Variants in MOCS1 observed in about 807,000 individuals in gnomAD.
MOCS1 encodes molybdenum cofactor biosynthesis protein 1.
Under a neutral mutation model 57.6 loss-of-function variants are expected in MOCS1, and 39 were observed. The ratio of observed to expected loss-of-function variants is 0.68; its 90% CI spans 0.52 to 0.88. MOCS1 has a LOEUF of 0.88. MOCS1 is among the 40% of genes least tolerant of loss of function. The probability of loss-of-function intolerance (pLI) is 0.00; values close to 1 mark genes in which losing one functional copy is unlikely to be tolerated. For synonymous variants in MOCS1, 334 were observed against 335.7 expected (o/e 1.00, Z 0.05); for missense variants, 795 against 831.1 (o/e 0.96, Z 0.53).
rs1441299210 is a variant in MOCS1 at position 39,905,393 on chromosome 6, T to G, written c.*964A>C. The G allele has an allele frequency of 2.1e-6, 1 of 467,290 alleles. No homozygotes were observed. The highest frequency in any genetic ancestry group is 4.4e-6 in the Non-Finnish European group (1 of 227,024). The allele number at this position is 467,290 out of a possible 1,614,324, so 28.9% of individuals were successfully genotyped here. The stretch of plus-strand genomic sequence containing the variant: ...GAGTACACCCTTAGGCCTTTCCAGG[T>G]CCCTCCTCTTCTTCCCTCAGGGAAC... On this transcript the variant is annotated 3_prime_UTR_variant, in exon 11 of 11. Coordinates refer to ENST00000340692, the MANE Select transcript of MOCS1 (RefSeq NM_001358530.2).
rs576217032 is a variant in MOCS1, at chr6:39,923,203, C to T, written c.418+2475G>A. 6.6e-5 allele frequency among the ~76,000 whole-genome samples: 10 copies of T among 152,302 alleles called. 1 individual carries two copies. Among genetic ancestry groups the T allele is most frequent in the Middle Eastern group, 3.4e-3 (1 of 294 alleles). The stretch of plus-strand genomic sequence containing the variant: ...CTTGTCCTAACTAGCATCCATGTGG[C>T]GATCACCCCTTGCCCATCCCATTCC... On this transcript the variant is annotated intron_variant, in intron 3 of 10. Transcript: ENST00000340692.
intron 1 of MOCS1, among the ~76,000 whole-genome samples, chr6:39,930,355 T>C (rs1028257792): frequency 4.6e-5 from 7 of 152,124 alleles, no homozygotes; most frequent in African/African-American, 9.7e-5. Context: ...ACTCAACGGA[T>C]CATATTCCCA....
chr6:39,920,849 T>C (rs960225201), intron 3 of MOCS1, among the ~76,000 whole-genome samples: 4 of 151,734 alleles, frequency 2.6e-5, no homozygotes, highest in Non-Finnish European at 5.9e-5. Context: ...TGTGGTGGTG[T>C]GCGCCTGTAG....
chr6:39,913,849 A>G lies in MOCS1; in HGVS notation c.584-14T>C. On this transcript the variant is annotated splice_polypyrimidine_tract_variant and intron_variant, in intron 4 of 10. Transcript: ENST00000340692. Reference sequence around the variant, plus strand: ...CCTTGTGGAAGCCTGGGAGGGAGAAACAAGGATCCAGGAACTTCTGTCCTC... The same window carrying G: ...CCTTGTGGAAGCCTGGGAGGGAGAAGCAAGGATCCAGGAACTTCTGTCCTC... 1 of 1,613,904 alleles carries G rather than the reference A, an allele frequency of 6.2e-7. No individual in the cohort carries two copies. Among genetic ancestry groups the G allele is most frequent in the South Asian group, 1.1e-5 (1 of 91,076 alleles).
intron 6 of MOCS1, 27 bp from the exon 7 acceptor site, chr6:39,913,031 G>C (rs1412010473): frequency 6.3e-7 from 1 of 1,596,120 alleles, no homozygotes; most frequent in Non-Finnish European, 8.6e-7. Context: ...GGAAGGCAAG[G>C]GGAGCTTCTG....
chr6:39,933,622 A>G (rs1221144859), intron 1 of MOCS1, among the ~76,000 whole-genome samples: 2 of 152,122 alleles, frequency 1.3e-5, no homozygotes, highest in Admixed American at 1.3e-4. Flanking sequence ...CAAAACCTAA[A>G]ACTTTTAATG....
At chr6:39,911,574 C>T (rs978463513) in intron 8 of MOCS1, among the ~76,000 whole-genome samples, 1 of 152,218 alleles carries the variant, frequency 6.6e-6, no homozygotes, top group Non-Finnish European at 1.5e-5. Flanking sequence ...AGAACACATT[C>T]TGAACCAAAG....
intron 4 of MOCS1, among the ~76,000 whole-genome samples, chr6:39,914,356 C>A (rs1245100398): frequency 6.6e-6 from 1 of 152,238 alleles, no homozygotes; most frequent in Non-Finnish European, 1.5e-5. Context: ...AGCCCCATGG[C>A]TCCATCTTTC....
Position 39,907,092 on chromosome 6 carries a change from G to A in MOCS1, c.1176C>T (p.Ser392=). ...LIELFLMFPN[S]PPANPSIFSW... ...AGAAAATGCTTGGATTGGCTGGTGG[G>A]GAATTGGGGAACATCAAAAATAACT... Residue 392 remains serine (S), a synonymous_variant, in exon 11 of 11, where the codon TCC becomes TCT. Coordinates refer to ENST00000340692, the MANE Select transcript of MOCS1 (RefSeq NM_001358530.2). The A allele has an allele frequency of 6.2e-7, 1 of 1,612,616 alleles. No individual in the cohort carries two copies. Among genetic ancestry groups the A allele is most frequent in the East Asian group, 2.2e-5 (1 of 44,816 alleles).
At chr6:39,932,139 C>T (rs905223959) in intron 1 of MOCS1, among the ~76,000 whole-genome samples, 2 of 152,212 alleles carry the variant, frequency 1.3e-5, no homozygotes, top group African/African-American at 4.8e-5. Context: ...TGCCCAGTGG[C>T]TTTCCATCCT....
At chr6:39,931,281 A>G (rs1462755202) in intron 1 of MOCS1, among the ~76,000 whole-genome samples, 2 of 152,100 alleles carry the variant, frequency 1.3e-5, no homozygotes, top group African/African-American at 4.8e-5. Flanking sequence ...TCTACTAGTC[A>G]CTCATCTTAG....
chr6:39,921,336 T>C (rs539925242), intron 3 of MOCS1, among the ~76,000 whole-genome samples: 2 of 151,692 alleles, frequency 1.3e-5, no homozygotes, highest in South Asian at 4.2e-4. Context: ...GAGGCAGTGG[T>C]TGCAGTCAGC....
chr6:39,915,456 G>T (rs533900456), intron 4 of MOCS1, among the ~76,000 whole-genome samples: 2 of 152,094 alleles, frequency 1.3e-5, no homozygotes, highest in Non-Finnish European at 2.9e-5. Flanking sequence ...AAGAGCCTTT[G>T]CCCCAACATG....
chr6:39,925,757 G>T lies in MOCS1; in HGVS notation c.339C>A (p.Leu113=), dbSNP rs762810343. The T allele has an allele frequency of 1.9e-6, 3 of 1,612,732 alleles. No individual in the cohort carries two copies. In the Admixed American group the frequency reaches 5.0e-5, roughly 27 times the overall value. Residue 113 remains leucine (L), a synonymous_variant, in exon 3 of 11, where the codon CTC becomes CTA. Coordinates refer to ENST00000340692, the MANE Select transcript of MOCS1 (RefSeq NM_001358530.2). ...TTEEILTLAR[L]FVKEGIDKIR... Reference sequence around the variant, plus strand: ...TCTTGTCGATGCCTTCCTTCACAAAGAGCCGGGCGAGGGTCAGGATCTCCT... The same window carrying T: ...TCTTGTCGATGCCTTCCTTCACAAATAGCCGGGCGAGGGTCAGGATCTCCT...
At chr6:39,914,992 G>T (rs1230737395) in intron 4 of MOCS1, among the ~76,000 whole-genome samples, 3 of 152,128 alleles carry the variant, frequency 2.0e-5, no homozygotes, top group Admixed American at 2.0e-4. Flanking sequence ...ATGTGCCATT[G>T]ATTGAAACCC....
intron 2 of MOCS1, among the ~76,000 whole-genome samples, chr6:39,926,838 C>T (rs1024470152): frequency 2.0e-5 from 3 of 147,722 alleles, no homozygotes; most frequent in African/African-American, 7.6e-5. Context: ...GCTACAGATC[C>T]AGAGCACTCT....
At chr6:39,929,042 T>G (rs964415771) in intron 1 of MOCS1, among the ~76,000 whole-genome samples, 2 of 152,188 alleles carry the variant, frequency 1.3e-5, no homozygotes, top group African/African-American at 4.8e-5. Flanking sequence ...CGGCAGCCCT[T>G]GACTGGGTCA....
At chr6:39,909,007 A>T (rs1767126445) in intron 10 of MOCS1, 48 bp downstream of exon 10, 1 of 1,565,728 alleles carries the variant, frequency 6.4e-7, no homozygotes. Context: ...ACCCCACGAG[A>T]TCCCCAAATG....
intron 5 of MOCS1, 130 bp from the exon 6 acceptor site, chr6:39,913,558 C>G: frequency 1.0e-6 from 1 of 973,824 alleles, no homozygotes; most frequent in Non-Finnish European, 1.6e-6. Flanking sequence ...CCACTCAGTT[C>G]TCTAAGTTAC....
Sources: allele counts gnomAD v4.1 joint callset (sites outside exome capture counted in the v4.1 genomes callset), GRCh38; gene constraint gnomAD v4.1.1; transcripts MANE v1.5; gene names NCBI Gene and HGNC (gene_info 2026-07-23, HGNC 2026-07-21).